GAS6: variants seen among roughly 807,000 people sequenced by gnomAD.
GAS6 encodes the protein growth arrest specific 6.
In GAS6, 41 loss-of-function variants were observed where a neutral mutation model predicts 75.8. The observed-to-expected ratio is 0.54, with a 90% CI of 0.42 to 0.70. The LOEUF (loss-of-function observed/expected upper bound fraction) is 0.70, where lower values mean the gene tolerates loss of function less well. GAS6 is among the 30% of genes least tolerant of loss of function. The probability of loss-of-function intolerance (pLI) is 0.00; values close to 1 mark genes in which losing one functional copy is unlikely to be tolerated. For synonymous variants in GAS6, 432 were observed against 412.6 expected, an observed-to-expected ratio of 1.05 and a Z score of -0.57; for missense variants, 854 against 940.2, an observed-to-expected ratio of 0.91 and a Z score of 1.20.
At chr13:113,833,089 G>A in intron 8 of GAS6, 1 of 1,205,672 alleles carries the variant, frequency 8.3e-7, no homozygotes. Context: ...ACACTATTAT[G>A]AAATAGATAT....
chr13:113,825,943 C>T (rs1020953972), intron 12 of GAS6, among the ~76,000 whole-genome samples: 24 of 151,928 alleles, frequency 1.6e-4, no homozygotes, highest in Non-Finnish European at 2.5e-4. Flanking sequence ...TGAGATCTGA[C>T]GGAGGGGGCG....
chr13:113,851,199 G>A (rs898459962), intron 2 of GAS6, among the ~76,000 whole-genome samples: 12 of 151,368 alleles, frequency 7.9e-5, no homozygotes, highest in Admixed American at 2.0e-4. Flanking sequence ...GAATAAATGC[G>A]TAGATAGATG....
intron 2 of GAS6, among the ~76,000 whole-genome samples, chr13:113,854,809 C>G (rs1272361166): frequency 2.0e-5 from 3 of 152,224 alleles, no homozygotes; most frequent in Admixed American, 2.0e-4. Context: ...ATGCTGGCCA[C>G]AAGAAACACT....
chr13:113,851,050 T>C (rs1003634400), intron 2 of GAS6, among the ~76,000 whole-genome samples: 4 of 149,496 alleles, frequency 2.7e-5, no homozygotes, highest in South Asian at 2.2e-4. Context: ...GATGAGTGGA[T>C]AGAGATGGAT....
chr13:113,859,229 T>C (rs193105643), intron 2 of GAS6, among the ~76,000 whole-genome samples: 1 of 151,952 alleles, frequency 6.6e-6, no homozygotes, highest in Non-Finnish European at 1.5e-5. Context: ...TATGTGTACA[T>C]GTCTGTGTGT....
chr13:113,835,914 G>A (rs998294368), intron 6 of GAS6: 36 of 1,291,470 alleles, frequency 2.8e-5, no homozygotes, highest in East Asian at 3.3e-5. Flanking sequence ...GGTGGGGGGC[G>A]GCGGTGCACG....
intron 5 of GAS6, chr13:113,839,336 TCAA>T (rs1352198947): frequency 2.2e-5 from 4 of 185,510 alleles, no homozygotes; most frequent in African/African-American, 1.0e-4. Flanking sequence ...CCCCGGCCTT[TCAA>T]TCAGTGGGTG....
At position 113,839,755 on chromosome 13, in the gene GAS6, C is replaced by CA; in HGVS notation, c.438dup (p.Gly147TrpfsTer31). The CA allele has an allele frequency of 6.2e-7, 1 of 1,613,964 alleles. No individual in the cohort carries two copies. Among genetic ancestry groups the CA allele is most frequent in the Non-Finnish European group, 8.5e-7 (1 of 1,179,976 alleles). The stretch of plus-strand genomic sequence containing the variant: ...TTGTCGCAGAGCCGGCCCCCCCAGC[C>CA]AGCTTTACACAGGCAGAAGAAGTTG... On this transcript the variant is annotated frameshift_variant, in exon 5 of 15. Transcript: ENST00000327773. LOFTEE classifies it high-confidence loss of function.
chr13:113,858,872 C>T (rs200998996), intron 2 of GAS6, among the ~76,000 whole-genome samples: 1 of 103,022 alleles, frequency 9.7e-6, no homozygotes, highest in African/African-American at 4.2e-5. Context: ...CATGTGTGTA[C>T]ATGACTATGT....
At chr13:113,832,921 G>T in intron 8 of GAS6, 169 bp from the exon 9 acceptor site, 1 of 1,501,948 alleles carries the variant, frequency 6.7e-7, no homozygotes, top group Non-Finnish European at 8.9e-7. Context: ...GCCCCACTGG[G>T]ACTCCCAGGT....
intron 2 of GAS6, among the ~76,000 whole-genome samples, chr13:113,858,533 A>G (rs1329446343): frequency 1.8e-5 from 2 of 110,910 alleles, no homozygotes; most frequent in Non-Finnish European, 3.3e-5. Flanking sequence ...GAATGTGTGC[A>G]TGTCTGTGTA....
chr13:113,858,789 C>T (rs1324122810), intron 2 of GAS6, among the ~76,000 whole-genome samples: 1 of 144,730 alleles, frequency 6.9e-6, no homozygotes, highest in African/African-American at 2.6e-5. Context: ...GTGTACATGT[C>T]TGTGACTGTA....
intron 4 of GAS6, chr13:113,842,044 C>T (rs139791750): frequency 0.01 from 1,344 of 131,480 alleles, 116 homozygotes; most frequent in African/African-American, 0.035. Context: ...TTCCTCCATA[C>T]GCCTCAATTT....
At chr13:113,846,932 C>T (rs78724365) in intron 3 of GAS6, 5,858 of 462,790 alleles carry the variant, frequency 0.013, 306 homozygotes, top group African/African-American at 0.11. Context: ...CTTCATTTTC[C>T]AGTGGACCCC....
intron 8 of GAS6, among the ~76,000 whole-genome samples, chr13:113,834,285 G>A (rs2051671866): frequency 6.6e-6 from 1 of 152,160 alleles, no homozygotes; most frequent in South Asian, 2.1e-4. Context: ...GGCAGAGTGG[G>A]GACCGTGCCC....
rs570762504 is a variant in GAS6, at chr13:113,837,183, T to C, written c.589+886A>G. Among the ~76,000 whole-genome samples the C allele has an allele frequency of 6.6e-6, 1 of 151,808 alleles. No individual in the cohort carries two copies. The highest frequency in any genetic ancestry group is 2.1e-4 in the South Asian group (1 of 4,814). Reference sequence around the variant, plus strand: ...ATGGGTTTATGTGTTAAGATGGGAATCACGTCATCTGCACACAGGGCTAAC... The same window carrying C: ...ATGGGTTTATGTGTTAAGATGGGAACCACGTCATCTGCACACAGGGCTAAC... On this transcript the variant is annotated intron_variant, in intron 6 of 14. Coordinates refer to ENST00000327773, the MANE Select transcript of GAS6 (RefSeq NM_000820.4). This position sits in a 1 kb window ranked among gnomAD's most constrained non-coding sequence, Gnocchi z 5.1.
intron 14 of GAS6, 23 bp from the exon 15 acceptor site, chr13:113,821,041 C>T: frequency 6.2e-7 from 1 of 1,606,434 alleles, no homozygotes; most frequent in South Asian, 1.1e-5. Flanking sequence ...GAGAGAACAA[C>T]ATATCTTAGC....
intron 14 of GAS6, 123 bp from the exon 15 acceptor site, chr13:113,821,141 T>G (rs2051452324): frequency 1.9e-6 from 2 of 1,026,428 alleles, no homozygotes; most frequent in African/African-American, 3.2e-5. Context: ...AGGGTTTCCC[T>G]TTCTTCTCTA....
intron 3 of GAS6, 56 bp from the exon 4 acceptor site, chr13:113,846,645 A>G: frequency 6.9e-7 from 1 of 1,457,600 alleles, no homozygotes; most frequent in Non-Finnish European, 9.6e-7. Context: ...GATGGACTGC[A>G]GAGCCTCTGC....
Sources: allele counts gnomAD v4.1 joint callset (sites outside exome capture counted in the v4.1 genomes callset), GRCh38; gene constraint gnomAD v4.1.1; non-coding constraint Gnocchi (gnomAD v3.1); transcripts MANE v1.5; gene names NCBI Gene and HGNC (gene_info 2026-07-23, HGNC 2026-07-21).